CLSTN1: variants seen among roughly 807,000 people sequenced by gnomAD.
The protein encoded by CLSTN1 is calsyntenin-1.
CLSTN1 carries 28 observed loss-of-function variants against 108.3 expected under a neutral mutation model. The observed-to-expected ratio is 0.26, with a 90% CI of 0.19 to 0.35. The LOEUF (loss-of-function observed/expected upper bound fraction) is 0.35, where lower values mean the gene tolerates loss of function less well. Among genes scored for constraint, CLSTN1 ranks in the 10% least tolerant of loss-of-function variants. The pLI, the probability that CLSTN1 is intolerant of heterozygous loss-of-function variation, is 1.00. For missense variants in CLSTN1, 1,157 were observed against 1,302.6 expected, an observed-to-expected ratio of 0.89 and a Z score of 1.72; for synonymous variants, 524 against 534.9, an observed-to-expected ratio of 0.98 and a Z score of 0.28.
chr1:9,782,367 T>C (rs892416916), intron 1 of CLSTN1, among the ~76,000 whole-genome samples: 4 of 152,212 alleles, frequency 2.6e-5, no homozygotes, highest in Non-Finnish European at 5.9e-5. Context: ...TTTACTTTTC[T>C]TACATAAAAG....
intron 4 of CLSTN1, 130 bp downstream of exon 4, chr1:9,754,984 A>G (rs1365204867): frequency 4.5e-6 from 3 of 661,154 alleles, no homozygotes; most frequent in East Asian, 2.7e-5. Context: ...CTAATTGTAG[A>G]CACTTGAGAA....
chr1:9,812,848 CAAA>C (rs1266998113), intron 1 of CLSTN1, among the ~76,000 whole-genome samples: 3 of 86,188 alleles, frequency 3.5e-5, no homozygotes, highest in Non-Finnish European at 4.8e-5. Flanking sequence ...AACTCTATCT[CAAA>C]AAAAAAAAAA....
rs202197239 is a variant in CLSTN1, at chr1:9,731,165, G to A, written c.2748+41C>T. 3.1e-6 allele frequency: 5 copies of A among 1,612,130 alleles called. No individual in the cohort carries two copies. In the Admixed American group the frequency reaches 8.3e-5, roughly 27 times the overall value. The stretch of plus-strand genomic sequence containing the variant: ...ACCGGCTTCTCGGAGGCCCTGGCCT[G>A]TGCTGCCTCTCAGTCCTGGAGGTCG... On this transcript the variant is annotated intron_variant, in intron 18 of 18. Transcript: ENST00000377298.
chr1:9,745,724 C>A (rs550363027), intron 7 of CLSTN1, among the ~76,000 whole-genome samples: 2 of 148,874 alleles, frequency 1.3e-5, no homozygotes, highest in African/African-American at 4.9e-5. Context: ...ATATTCCTAG[C>A]AATATTCTTC....
At chr1:9,751,708 T>A in intron 4 of CLSTN1, 27 bp from the exon 5 acceptor site, 1 of 1,601,424 alleles carries the variant, frequency 6.2e-7, no homozygotes, top group Non-Finnish European at 8.6e-7. Context: ...AGAAAAATAT[T>A]TTTCTGCTTG....
At chr1:9,737,435 GA>G in intron 11 of CLSTN1, 62 bp downstream of exon 11, 2 of 1,468,364 alleles carry the variant, frequency 1.4e-6, no homozygotes, top group Non-Finnish European at 1.9e-6. Flanking sequence ...GCGACACGTG[GA>G]ATGAATCAGT....
chr1:9,796,830 AC>A (rs1654031078), intron 1 of CLSTN1, among the ~76,000 whole-genome samples: 1 of 152,222 alleles, frequency 6.6e-6, no homozygotes, highest in Non-Finnish European at 1.5e-5. Context: ...GCTCTGTTCA[AC>A]CATTACATCA....
chr1:9,821,544 G>C (rs970240642), intron 1 of CLSTN1, among the ~76,000 whole-genome samples: 1 of 152,202 alleles, frequency 6.6e-6, no homozygotes, highest in African/African-American at 2.4e-5. Context: ...ATTTTCTGCA[G>C]CAGTCTGTAC....
In CLSTN1 at chr1:9,735,211, G is replaced by A. The variant is rs180865545; in HGVS notation, c.1884-37C>T. ...AAATGGGGAAGGGTCAGGGCTTTGG[G>A]AGCCGATCTTGGAGCCCACCTGTGC... On this transcript the variant is annotated intron_variant, in intron 13 of 18. Coordinates refer to ENST00000377298, the MANE Select transcript of CLSTN1 (RefSeq NM_001009566.3). The A allele has an allele frequency of 2.0e-3, 3,241 of 1,606,948 alleles. 15 individuals are homozygous for A. The Middle Eastern group carries it at 0.041, about 21-fold the overall frequency.
At chr1:9,768,421 G>A (rs1652469126) in intron 2 of CLSTN1, among the ~76,000 whole-genome samples, 1 of 131,762 alleles carries the variant, frequency 7.6e-6, no homozygotes, top group South Asian at 2.6e-4. Context: ...CCGGGGGGCG[G>A]GGTTCTGTGC....
intron 9 of CLSTN1, among the ~76,000 whole-genome samples, chr1:9,743,017 GATT>G (rs1320622212): frequency 6.6e-6 from 1 of 152,028 alleles, no homozygotes; most frequent in Non-Finnish European, 1.5e-5. Flanking sequence ...TCTATCCTAT[GATT>G]ATTTTTAGAC....
chr1:9,730,351 A>G lies in CLSTN1; in HGVS notation c.*157T>C. 1.4e-6 allele frequency: 1 copy of G among 717,530 alleles called. No homozygotes were observed. Among genetic ancestry groups the G allele is most frequent in the East Asian group, 2.5e-5 (1 of 40,456 alleles). 44.4% of individuals were successfully genotyped at this position (717,530 alleles called of 1,614,324 possible). A position where few individuals can be genotyped will look rare whatever the true frequency, so the allele number is the denominator to read the frequency against. On this transcript the variant is annotated 3_prime_UTR_variant, in exon 19 of 19. Transcript: ENST00000377298. The surrounding 1 kb of genome is among the most constrained non-coding windows in gnomAD (Gnocchi z 5.6). ...CAGGCAGAGGGTGGGCGGGGAGCCT[A>G]GGGTCCTACACACCAAGCACAGCGA...
At chr1:9,759,274 C>A (rs1206002456) in intron 2 of CLSTN1, among the ~76,000 whole-genome samples, 1 of 152,102 alleles carries the variant, frequency 6.6e-6, no homozygotes, top group African/African-American at 2.4e-5. Flanking sequence ...AATACAGTTT[C>A]TTTTTGTTTG....
At chr1:9,805,671 G>A (rs1008757420) in intron 1 of CLSTN1, among the ~76,000 whole-genome samples, 14 of 150,756 alleles carry the variant, frequency 9.3e-5, no homozygotes, top group Non-Finnish European at 1.3e-4. Context: ...GTTCAAGATC[G>A]GCCTGGCCAA....
intron 4 of CLSTN1, among the ~76,000 whole-genome samples, chr1:9,754,645 CGG>C (rs1651724823): frequency 6.6e-6 from 1 of 152,072 alleles, no homozygotes; most frequent in African/African-American, 2.4e-5. Context: ...CACCTGAGGT[CGG>C]GAGTTTGAGA....
Position 9,749,478 on chromosome 1 carries a change from G to C in CLSTN1, c.968C>G (p.Ser323Cys). The change falls in exon 7 of 19, where the codon TCC (serine) becomes TGC (cysteine). Residue 323 changes from serine to cysteine, a missense_variant. Transcript: ENST00000377298. ...CTCCTTACCACAGAGCCGGTGGAGG[G>C]ACTTCTCTGAGTAGGTGTCTCGGTC... ...GCDRDTYSEK[S>C]LHRLCGAAAG... The C allele has an allele frequency of 1.2e-6, 2 of 1,611,902 alleles. No individual in the cohort carries two copies. Among genetic ancestry groups the C allele is most frequent in the Non-Finnish European group, 1.7e-6 (2 of 1,179,470 alleles).
intron 2 of CLSTN1, among the ~76,000 whole-genome samples, chr1:9,765,315 C>T (rs1417139473): frequency 1.6e-4 from 24 of 151,688 alleles, no homozygotes; most frequent in Admixed American, 1.5e-3. Flanking sequence ...ACCCAGGAGG[C>T]GGAGGTTGCG....
At position 9,770,987 on chromosome 1, in the gene CLSTN1, C is replaced by T. The variant is rs141523991; in HGVS notation, c.214+2285G>A. Reference sequence around the variant, plus strand: ...CAGCCTGGGCGACAAACTGAGACACCGTCTCAAAAATAAAACAAAACAAAA... The same window carrying T: ...CAGCCTGGGCGACAAACTGAGACACTGTCTCAAAAATAAAACAAAACAAAA... On this transcript the variant is annotated intron_variant, in intron 2 of 18. Transcript: ENST00000377298. Among the ~76,000 whole-genome samples the T allele has an allele frequency of 4.8e-3, 729 of 151,830 alleles. 3 individuals are homozygous for T. The highest frequency in any genetic ancestry group is 0.016 in the African/African-American group (654 of 41,410).
chr1:9,790,916 G>A (rs143589032), intron 1 of CLSTN1, among the ~76,000 whole-genome samples: 2,784 of 151,282 alleles, frequency 0.018, 85 homozygotes, highest in African/African-American at 0.063. Flanking sequence ...AGTGGATCAT[G>A]AGGTCAGGAG....
Sources: gnomAD v4.1 joint callset for allele counts (sites outside exome capture counted in the v4.1 genomes callset) on GRCh38, gnomAD v4.1.1 for gene constraint, Gnocchi (gnomAD v3.1) non-coding constraint, MANE v1.5 for transcripts, NCBI Gene and HGNC (gene_info 2026-07-23, HGNC 2026-07-21) for gene names.